Variants in UNC79 observed in about 807,000 individuals in gnomAD.
UNC79 encodes unc-79 subunit of NALCN channel complex.
A neutral mutation model predicts 283.1 loss-of-function variants in UNC79; 37 were observed. The ratio of observed to expected loss-of-function variants is 0.13; its 90% confidence interval spans 0.10 to 0.17. The LOEUF (loss-of-function observed/expected upper bound fraction) is 0.17, where lower values mean the gene tolerates loss of function less well. UNC79 is among the 10% of genes least tolerant of loss of function. The probability of loss-of-function intolerance (pLI) is 1.00; values close to 1 mark genes in which losing one functional copy is unlikely to be tolerated. For synonymous variants in UNC79, 1,107 were observed against 1,200.2 expected, an observed-to-expected ratio of 0.92 and a Z score of 1.61; for missense variants, 2,272 against 3,211.1, an observed-to-expected ratio of 0.71 and a Z score of 7.07.
chr14:93,397,576 A>T (rs898314281), intron 1 of UNC79, among the ~76,000 whole-genome samples: 1 of 152,078 alleles, frequency 6.6e-6, no homozygotes, highest in Admixed American at 6.6e-5. Flanking sequence ...CCTGGGCCCT[A>T]TGGTTCCTGC....
intron 34 of UNC79, 79 bp from the exon 38 acceptor site, chr14:93,646,529 C>G (rs2069624377): frequency 1.4e-6 from 2 of 1,423,392 alleles, no homozygotes; most frequent in South Asian, 2.4e-5. Context: ...GGAAACACAA[C>G]AGGTCCTCCC....
At chr14:93,686,200 A>G (rs951529706) in intron 42 of UNC79, among the ~76,000 whole-genome samples, 13 of 152,204 alleles carry the variant, frequency 8.5e-5, no homozygotes, top group Non-Finnish European at 1.9e-4. Context: ...ATGTGTTGCT[A>G]TGTTTTGGGA....
chr14:93,468,559 G>C (rs1461088067), intron 2 of UNC79, among the ~76,000 whole-genome samples: 1 of 152,212 alleles, frequency 6.6e-6, no homozygotes, highest in African/African-American at 2.4e-5. Context: ...GCTTGGTACT[G>C]TTTCTTTTAG....
chr14:93,363,729 T>C (rs1449070371), intron 1 of UNC79, among the ~76,000 whole-genome samples: 2 of 152,108 alleles, frequency 1.3e-5, no homozygotes, highest in African/African-American at 4.8e-5. Flanking sequence ...TGCCTTTCTT[T>C]TTTTTTTGAG....
At chr14:93,530,088 A>T (rs1308079979) in intron 10 of UNC79, among the ~76,000 whole-genome samples, 1 of 152,198 alleles carries the variant, frequency 6.6e-6, no homozygotes. Flanking sequence ...ATGACTTCAG[A>T]TGTAGAAAAT....
chr14:93,467,618 TTTC>T (rs1344392609), intron 1 of UNC79, 50 bp from the exon 2 acceptor site: 3 of 1,247,682 alleles, frequency 2.4e-6, no homozygotes, highest in South Asian at 2.7e-5. Flanking sequence ...TCTCTTTCTT[TTTC>T]TTCTTCCTTT....
chr14:93,608,252 C>T (rs1403685694), intron 26 of UNC79, among the ~76,000 whole-genome samples: 2 of 152,104 alleles, frequency 1.3e-5, no homozygotes, highest in Non-Finnish European at 2.9e-5. Context: ...TGCTTACGGC[C>T]AAGTAAGGGA....
intron 1 of UNC79, among the ~76,000 whole-genome samples, chr14:93,415,812 G>T (rs1298888622): frequency 6.7e-6 from 1 of 150,360 alleles, no homozygotes; most frequent in Non-Finnish European, 1.5e-5. Context: ...TTGCATAGAG[G>T]TGTTTGTAGT....
chr14:93,495,857 A>C (rs1244002338), intron 5 of UNC79, among the ~76,000 whole-genome samples: 1 of 152,256 alleles, frequency 6.6e-6, no homozygotes, highest in African/African-American at 2.4e-5. Flanking sequence ...GCTTGCTGTC[A>C]TGTAGCTTTT....
At chr14:93,441,645 C>T (rs757532683) in intron 1 of UNC79, among the ~76,000 whole-genome samples, 6 of 152,058 alleles carry the variant, frequency 3.9e-5, no homozygotes, top group Non-Finnish European at 8.8e-5. Flanking sequence ...CTTCTAACCT[C>T]TTCTCTCTAC....
intron 5 of UNC79, among the ~76,000 whole-genome samples, chr14:93,491,216 T>A (rs1306672685): frequency 6.6e-6 from 1 of 152,118 alleles, no homozygotes; most frequent in Non-Finnish European, 1.5e-5. Flanking sequence ...GGGTTTGGAT[T>A]TAACAGAAGA....
intron 1 of UNC79, among the ~76,000 whole-genome samples, chr14:93,345,829 A>C (rs2053814927): frequency 1.3e-5 from 2 of 152,052 alleles, no homozygotes; most frequent in African/African-American, 4.8e-5. Context: ...AATCCATATG[A>C]ATGGAAAAAT....
At chr14:93,597,650 C>T (rs2065169412) in intron 24 of UNC79, 110 bp downstream of exon 24, 2 of 1,189,630 alleles carry the variant, frequency 1.7e-6, no homozygotes, top group Non-Finnish European at 2.3e-6. Context: ...AACAGAATAC[C>T]ATAAACTGGG....
intron 4 of UNC79, among the ~76,000 whole-genome samples, chr14:93,483,201 C>T (rs1332335109): frequency 1.3e-5 from 2 of 152,216 alleles, no homozygotes; most frequent in Non-Finnish European, 2.9e-5. Flanking sequence ...CCATCGCTTT[C>T]TCTTTATTCC....
At chr14:93,352,520 A>C (rs7146059) in intron 1 of UNC79, among the ~76,000 whole-genome samples, 2 of 152,050 alleles carry the variant, frequency 1.3e-5, no homozygotes, top group Non-Finnish European at 2.9e-5. Context: ...TATTTTGATG[A>C]ATGAACTCTG....
At chr14:93,355,472 C>T (rs1224469326) in intron 1 of UNC79, among the ~76,000 whole-genome samples, 1 of 152,072 alleles carries the variant, frequency 6.6e-6, no homozygotes, top group Non-Finnish European at 1.5e-5. Flanking sequence ...GCTGGGATTA[C>T]AGGCGTGAGC....
chr14:93,541,164 TGTCAAGTACTGG>T (rs1402682630), intron 13 of UNC79, among the ~76,000 whole-genome samples: 1 of 152,200 alleles, frequency 6.6e-6, no homozygotes. Context: ...TAGTATATAT[TGTCAAGTACTGG>T]ATTCAATAAC....
chr14:93,678,468 A>AGCTCACTAG (rs1344303757), intron 41 of UNC79, among the ~76,000 whole-genome samples: 15 of 152,236 alleles, frequency 9.9e-5, no homozygotes, highest in African/African-American at 3.4e-4. Flanking sequence ...GAGCTCACTA[A>AGCTCACTAG]GATGGAACCA....
At chr14:93,415,204 T>C (rs2055426558) in intron 1 of UNC79, among the ~76,000 whole-genome samples, 1 of 152,230 alleles carries the variant, frequency 6.6e-6, no homozygotes, top group African/African-American at 2.4e-5. Context: ...CATCAATACC[T>C]AATTTATTGA....
Sources: gnomAD v4.1 joint callset for allele counts (sites outside exome capture counted in the v4.1 genomes callset) on GRCh38, gnomAD v4.1.1 for gene constraint, MANE v1.5 for transcripts, NCBI Gene and HGNC (gene_info 2026-07-23, HGNC 2026-07-21) for gene names.